SDCCAG8: variants seen among roughly 807,000 people sequenced by gnomAD.
The protein encoded by SDCCAG8 is serologically defined colon cancer antigen 8.
Under a neutral mutation model 101.8 loss-of-function variants are expected in SDCCAG8, and 74 were observed. The observed-to-expected ratio is 0.73, with a 90% CI of 0.60 to 0.88. SDCCAG8 has a LOEUF of 0.88. Among genes scored for constraint, SDCCAG8 ranks in the 40% least tolerant of loss-of-function variants. The pLI is 0.00. For synonymous variants in SDCCAG8, 281 were observed against 292.9 expected (o/e 0.96, Z 0.41); for missense variants, 787 against 822.6 (o/e 0.96, Z 0.53).
At chr1:243,497,569 G>A (rs1668330630) in intron 17 of SDCCAG8, among the ~76,000 whole-genome samples, 1 of 152,168 alleles carries the variant, frequency 6.6e-6, no homozygotes, top group African/African-American at 2.4e-5. Context: ...TTCTGGAACA[G>A]CTCCGATAGT....
intron 1 of SDCCAG8, among the ~76,000 whole-genome samples, chr1:243,260,136 A>G (rs1357216305): frequency 6.6e-6 from 1 of 152,216 alleles, no homozygotes; most frequent in Admixed American, 6.5e-5. Context: ...ATTCTTCTTC[A>G]AAACGAGAGT....
chr1:243,407,104 A>G (rs77463487), intron 13 of SDCCAG8, among the ~76,000 whole-genome samples: 3,073 of 152,286 alleles, frequency 0.02, 53 homozygotes, highest in Non-Finnish European at 0.032. Context: ...GCCAGGGTCT[A>G]CATCTTGCAC....
chr1:243,491,266 G>A lies in SDCCAG8; in HGVS notation c.2112+2126G>A, dbSNP rs145252986. On this transcript the variant is annotated intron_variant, in intron 17 of 17. Transcript: ENST00000366541. ...ATGAGTTGCAAAATTTTCACAAAAC[G>A]CATTAAAAAAACCCCAAACCTCAAA... Among the ~76,000 whole-genome samples the A allele has an allele frequency of 2.5e-4, 38 of 152,134 alleles. No individual in the cohort carries two copies. The East Asian group carries it at 5.6e-3, about 22-fold the overall frequency.
At chr1:243,480,633 A>T (rs1423502975) in intron 16 of SDCCAG8, among the ~76,000 whole-genome samples, 1 of 49,992 alleles carries the variant, frequency 2.0e-5, no homozygotes, top group Non-Finnish European at 3.7e-5. Context: ...GTATGGATGG[A>T]TGGGTGTGAT....
rs145684479 is a variant in SDCCAG8 at position 243,311,267 on chromosome 1, C to T, written c.929+3090C>T. On this transcript the variant is annotated intron_variant, in intron 8 of 17. Transcript: ENST00000366541. ...AGTTCTATGTGTATTAATGTTGGAC[C>T]ATCTCCAAAATATATTGTTGCAAGA... is the stretch of plus-strand genomic sequence containing the variant. Among the ~76,000 whole-genome samples, 460 of 151,860 alleles carry T rather than the reference C, an allele frequency of 3.0e-3. 4 individuals are homozygous for T. Among genetic ancestry groups the T allele is most frequent in the African/African-American group, 0.011 (449 of 41,418 alleles).
At chr1:243,354,101 A>G (rs1199069303) in intron 12 of SDCCAG8, among the ~76,000 whole-genome samples, 1 of 152,186 alleles carries the variant, frequency 6.6e-6, no homozygotes, top group East Asian at 1.9e-4. Context: ...TAGCTTTTCC[A>G]GCTAATTTCC....
intron 12 of SDCCAG8, among the ~76,000 whole-genome samples, chr1:243,378,340 C>T (rs1010159246): frequency 2.6e-5 from 4 of 151,988 alleles, no homozygotes; most frequent in African/African-American, 9.7e-5. Context: ...ATAAAAAGTA[C>T]ATACTTGATG....
intron 1 of SDCCAG8, among the ~76,000 whole-genome samples, chr1:243,260,720 G>T (rs996544285): frequency 6.6e-6 from 1 of 152,178 alleles, no homozygotes; most frequent in African/African-American, 2.4e-5. Context: ...CTTTGGTTGG[G>T]TGAGTATAAG....
intron 16 of SDCCAG8, among the ~76,000 whole-genome samples, chr1:243,442,417 G>A (rs1047393282): frequency 6.6e-6 from 1 of 152,154 alleles, no homozygotes; most frequent in South Asian, 2.1e-4. Context: ...ATGTCAAGCA[G>A]TAACTACGTG....
chr1:243,412,139 A>C (rs371730283), intron 13 of SDCCAG8, among the ~76,000 whole-genome samples: 23 of 152,336 alleles, frequency 1.5e-4, no homozygotes, highest in East Asian at 1.4e-3. Flanking sequence ...TATTTGACCC[A>C]GTGCCTAGCA....
At chr1:243,339,028 G>A (rs1462543399) in intron 10 of SDCCAG8, 1 of 154,060 alleles carries the variant, frequency 6.5e-6, no homozygotes, top group African/African-American at 2.5e-5. Flanking sequence ...ACAGCTAGTG[G>A]GCAGAGGACC....
At chr1:243,278,160 C>A (rs2068732340) in intron 4 of SDCCAG8, among the ~76,000 whole-genome samples, 1 of 152,104 alleles carries the variant, frequency 6.6e-6, no homozygotes, top group African/African-American at 2.4e-5. Flanking sequence ...TCTTTGATTT[C>A]TTTAATCAGT....
At chr1:243,362,073 G>A (rs1310118212) in intron 12 of SDCCAG8, among the ~76,000 whole-genome samples, 1 of 147,908 alleles carries the variant, frequency 6.8e-6, no homozygotes, top group Non-Finnish European at 1.5e-5. Context: ...ATGGCCAAGT[G>A]ACTGCCTCAA....
chr1:243,318,830 G>A (rs941423385), intron 9 of SDCCAG8, among the ~76,000 whole-genome samples: 10 of 152,184 alleles, frequency 6.6e-5, no homozygotes, highest in African/African-American at 1.7e-4. Flanking sequence ...GCCATTTCCA[G>A]GGCTTTGTTT....
chr1:243,395,403 A>G (rs941601880), intron 13 of SDCCAG8, among the ~76,000 whole-genome samples: 1 of 152,184 alleles, frequency 6.6e-6, no homozygotes, highest in Admixed American at 6.5e-5. Context: ...ATATCCAGAA[A>G]AGCAGTAACA....
intron 4 of SDCCAG8, among the ~76,000 whole-genome samples, chr1:243,281,360 T>A (rs1430588301): frequency 6.7e-6 from 1 of 148,552 alleles, no homozygotes; most frequent in East Asian, 2.1e-4. Context: ...GGTCTTGAAC[T>A]CCTGGGCTCA....
chr1:243,324,014 C>G (rs1174557936), intron 9 of SDCCAG8, among the ~76,000 whole-genome samples: 1 of 152,140 alleles, frequency 6.6e-6, no homozygotes, highest in Non-Finnish European at 1.5e-5. Context: ...CCCATGTTGC[C>G]TTGACTTCCT....
intron 16 of SDCCAG8, among the ~76,000 whole-genome samples, chr1:243,444,414 C>T (rs2082761234): frequency 6.6e-6 from 1 of 151,626 alleles, no homozygotes. Flanking sequence ...CTCTGTTGCC[C>T]AGGCTGGAGT....
chr1:243,328,583 C>A (rs2074379603), intron 9 of SDCCAG8, among the ~76,000 whole-genome samples: 1 of 151,688 alleles, frequency 6.6e-6, no homozygotes, highest in African/African-American at 2.4e-5. Flanking sequence ...AGCCAATAAC[C>A]AGTTTTTAAC....
Sources: gnomAD v4.1 joint callset for allele counts (sites outside exome capture counted in the v4.1 genomes callset) on GRCh38, gnomAD v4.1.1 for gene constraint, MANE v1.5 for transcripts, NCBI Gene and HGNC (gene_info 2026-07-23, HGNC 2026-07-21) for gene names.